The following SNAPC3 variants were observed in gnomAD, a reference collection of about 807,000 sequenced individuals.
The protein encoded by SNAPC3 is snRNA-activating protein complex subunit 3.
In SNAPC3, 56 loss-of-function variants were observed where a neutral mutation model predicts 47.7. The ratio of observed to expected loss-of-function variants is 1.18; its 90% CI spans 0.95 to 1.47. The LOEUF is 1.47. Among genes scored for constraint, SNAPC3 ranks in the 40% most tolerant of loss-of-function variants. The pLI is 0.00. For synonymous variants in SNAPC3, 235 were observed against 189.9 expected, an observed-to-expected ratio of 1.24 and a Z score of -1.95; for missense variants, 665 against 511.3, an observed-to-expected ratio of 1.30 and a Z score of -2.90.
chr9:15,446,485 G>C (rs2033942083), intron 4 of SNAPC3, among the ~76,000 whole-genome samples: 1 of 152,202 alleles, frequency 6.6e-6, no homozygotes, highest in African/African-American at 2.4e-5. Flanking sequence ...GGGATTACAG[G>C]CATGAGCCAC....
chr9:15,452,810 T>C (rs2034490897), intron 6 of SNAPC3, among the ~76,000 whole-genome samples: 1 of 152,222 alleles, frequency 6.6e-6, no homozygotes, highest in Non-Finnish European at 1.5e-5. Flanking sequence ...CATTTTGCAT[T>C]TAAGCTAAAG....
intron 7 of SNAPC3, among the ~76,000 whole-genome samples, chr9:15,456,509 T>G (rs1223017906): frequency 6.6e-6 from 1 of 151,964 alleles, no homozygotes; most frequent in African/African-American, 2.4e-5. Context: ...ACTCTGTTGC[T>G]CAGGTTGGAG....
At chr9:15,440,720 C>A (rs926524832) in intron 3 of SNAPC3, among the ~76,000 whole-genome samples, 3 of 152,018 alleles carry the variant, frequency 2.0e-5, no homozygotes, top group African/African-American at 7.2e-5. Context: ...GAGGCCGAGG[C>A]GGGCGGATCA....
chr9:15,423,304 G>C, intron 1 of SNAPC3, 111 bp downstream of exon 1: 1 of 1,131,620 alleles, frequency 8.8e-7, no homozygotes. Flanking sequence ...TTAGACCTGG[G>C]CTAGGAGTAT....
At chr9:15,465,184 G>A (rs2035534699), downstream of SNAPC3, 3 of 252,848 alleles carry the variant, frequency 1.2e-5, no homozygotes, top group Non-Finnish European at 1.5e-5. Context: ...GTTTATACAA[G>A]TAGCAGTTTT....
intron 2 of SNAPC3, among the ~76,000 whole-genome samples, chr9:15,428,306 G>C (rs1021438888): frequency 2.6e-5 from 4 of 151,952 alleles, no homozygotes; most frequent in African/African-American, 9.6e-5. Context: ...TGTTTATACA[G>C]ATCAACTTTG....
chr9:15,459,456 A>G (rs1468756758), intron 8 of SNAPC3, among the ~76,000 whole-genome samples: 1 of 152,164 alleles, frequency 6.6e-6, no homozygotes, highest in East Asian at 1.9e-4. Context: ...AAATAGATTT[A>G]TATTCTTCCT....
Position 15,460,044 on chromosome 9 carries a change from CAT to C in SNAPC3, c.*180_*181del, listed in dbSNP as rs753435174. The C allele has an allele frequency of 6.3e-5, 28 of 447,156 alleles. No individual in the cohort carries two copies. The highest frequency in any genetic ancestry group is 3.0e-4 in the African/African-American group (15 of 49,940). The allele number at this position is 447,156 out of a possible 1,614,324, so 27.7% of individuals were successfully genotyped here. A position where few individuals can be genotyped will look rare whatever the true frequency, so the allele number is the denominator to read the frequency against. ...AATGATAGTATTTAAATGTTTATAA[CAT>C]AGTTTAATTTTATATTTATTCCAGA... On this transcript the variant is annotated 3_prime_UTR_variant, in exon 9 of 9. Transcript: ENST00000380821.
intron 1 of SNAPC3, 41 bp from the exon 2 acceptor site, chr9:15,423,868 C>T: frequency 8.5e-7 from 1 of 1,172,676 alleles, no homozygotes; most frequent in Non-Finnish European, 1.2e-6. Context: ...GAACCAGATG[C>T]AGAGTCGACC....
chr9:15,433,674 A>G (rs2032452229), intron 3 of SNAPC3, 38 bp downstream of exon 3: 1 of 1,296,496 alleles, frequency 7.7e-7, no homozygotes, highest in Non-Finnish European at 1.1e-6. Context: ...CTTTTCTCTT[A>G]AAACAGTAAA....
At chr9:15,464,304 G>T (rs1220304537), downstream of SNAPC3, 13 of 194,472 alleles carry the variant, frequency 6.7e-5, no homozygotes, top group African/African-American at 2.8e-4. Flanking sequence ...GTCATACAGA[G>T]ACGCTGGTCT....
intron 2 of SNAPC3, among the ~76,000 whole-genome samples, chr9:15,429,074 G>A (rs1169529948): frequency 6.6e-6 from 1 of 152,128 alleles, no homozygotes; most frequent in Non-Finnish European, 1.5e-5. Context: ...AGATTTCAGA[G>A]ATAAAGATGA....
chr9:15,432,410 C>T (rs141727478), intron 2 of SNAPC3, among the ~76,000 whole-genome samples: 305 of 152,230 alleles, frequency 2.0e-3, no homozygotes, highest in Non-Finnish European at 2.5e-3. Context: ...GGTCTCTAAA[C>T]ACCTTTTTCC....
chr9:15,444,612 C>A lies in SNAPC3; in HGVS notation c.488C>A (p.Ala163Asp). 6.2e-7 allele frequency: 1 copy of A among 1,605,156 alleles called. No homozygotes were observed. The highest frequency in any genetic ancestry group is 8.5e-7 in the Non-Finnish European group (1 of 1,172,548). The change falls in exon 4 of 9, where the codon GCC (alanine) becomes GAC (aspartate). Residue 163 changes from alanine to aspartate, a missense_variant. Physicochemically the swap from Ala to Asp is moderately radical, Grantham distance 126. Coordinates refer to ENST00000380821, the MANE Select transcript of SNAPC3 (RefSeq NM_001039697.2). ...TTTTTCTTTCTTCAGGAGTCACATG[C>A]CATAGGAAAAAAGCCTGAAAATTCA... ...ETFVYEMESH[A>D]IGKKPENSAD...
At chr9:15,456,153 C>T (rs148411730) in intron 7 of SNAPC3, among the ~76,000 whole-genome samples, 5,870 of 152,052 alleles carry the variant, frequency 0.039, 369 homozygotes, top group African/African-American at 0.14. Context: ...GGATTACAGG[C>T]GTGAGCCACC....
downstream of SNAPC3, chr9:15,462,423 T>C (rs2035282217): frequency 6.6e-6 from 1 of 152,200 alleles, no homozygotes; most frequent in Admixed American, 6.5e-5. Context: ...ATTCCTAACT[T>C]TGTATATTTC....
chr9:15,439,392 A>C (rs1554648779), intron 3 of SNAPC3, among the ~76,000 whole-genome samples: 1 of 152,042 alleles, frequency 6.6e-6, no homozygotes, highest in Non-Finnish European at 1.5e-5. Flanking sequence ...AAACCTTAAA[A>C]AATTTTGTTT....
downstream of SNAPC3, chr9:15,465,575 G>A (rs776056461): frequency 3.2e-6 from 5 of 1,581,074 alleles, no homozygotes; most frequent in African/African-American, 1.4e-5. Flanking sequence ...CTCTTCACTG[G>A]ATGGCCTGAA....
downstream of SNAPC3, chr9:15,461,987 A>G (rs374196043): frequency 3.9e-5 from 6 of 152,282 alleles, no homozygotes; most frequent in East Asian, 9.6e-4. Flanking sequence ...GATTTACCCA[A>G]CCCTAAAATT....
Sources: allele counts gnomAD v4.1 joint callset (sites outside exome capture counted in the v4.1 genomes callset), GRCh38; gene constraint gnomAD v4.1.1; transcripts MANE v1.5; gene names NCBI Gene and HGNC (gene_info 2026-07-23, HGNC 2026-07-21).